The following NR2F1-AS1 variants were observed in gnomAD, a reference collection of about 807,000 sequenced individuals.
NR2F1-AS1 encodes NR2F1 regulatory antisense RNA 1, also known as NR2F1 antisense RNA 1.
intron 4 of NR2F1-AS1, among the ~76,000 whole-genome samples, chr5:93,550,167 T>C (rs2149911715): frequency 6.6e-6 from 1 of 151,968 alleles, no homozygotes; most frequent in East Asian, 1.9e-4. Flanking sequence ...ATAAATGGGA[T>C]TAAAGAAAAT....
chr5:93,577,798 T>C (rs1183776731), intron 1 of NR2F1-AS1, among the ~76,000 whole-genome samples: 1 of 152,196 alleles, frequency 6.6e-6, no homozygotes, highest in Non-Finnish European at 1.5e-5. Context: ...ATTGCAGGCA[T>C]GTTCATCTCT....
rs181403292 is a variant in NR2F1-AS1, at chr5:93,514,944, T to C, written n.638+38817A>G. Among the ~76,000 whole-genome samples, 146 of 152,098 alleles carry C rather than the reference T, an allele frequency of 9.6e-4. No individual in the cohort carries two copies. In the Middle Eastern group the frequency reaches 0.01, roughly 11 times the overall value. On this transcript the variant is annotated intron_variant and non_coding_transcript_variant, in intron 4 of 5. Coordinates refer to ENST00000660523, the Ensembl canonical transcript of NR2F1-AS1. The stretch of plus-strand genomic sequence containing the variant: ...AAGTGAAGTTAATGGGTTCCCTCTA[T>C]AAGGTTAAATTTCAACAAAAGTAAA...
intron 4 of NR2F1-AS1, among the ~76,000 whole-genome samples, chr5:93,412,078 A>G (rs1368261121): frequency 6.6e-6 from 1 of 152,236 alleles, no homozygotes; most frequent in Non-Finnish European, 1.5e-5. Flanking sequence ...TGAGGGCAGC[A>G]TGGAAGGATC....
intron 4 of NR2F1-AS1, among the ~76,000 whole-genome samples, chr5:93,513,255 A>C (rs893131071): frequency 6.6e-6 from 1 of 152,162 alleles, no homozygotes; most frequent in Non-Finnish European, 1.5e-5. Flanking sequence ...AGCAGTTTGG[A>C]GACTTCTCAA....
At chr5:93,419,567 C>T (rs1211494634) in intron 4 of NR2F1-AS1, among the ~76,000 whole-genome samples, 1 of 152,080 alleles carries the variant, frequency 6.6e-6, no homozygotes, top group Admixed American at 6.5e-5. Flanking sequence ...AAGACTCTAC[C>T]TTTAAAAGAA....
At chr5:93,501,227 T>A (rs1751071871) in intron 4 of NR2F1-AS1, among the ~76,000 whole-genome samples, 1 of 151,228 alleles carries the variant, frequency 6.6e-6, no homozygotes, top group Admixed American at 6.6e-5. Context: ...GTGACTGAAT[T>A]GCTGTAATCT....
upstream of NR2F1-AS1, chr5:93,585,494 TTTC>T (rs755173862): frequency 2.5e-6 from 4 of 1,603,174 alleles, no homozygotes; most frequent in Admixed American, 6.7e-5. Flanking sequence ...AAGGTGAATA[TTTC>T]TTCTCTGCTT....
At chr5:93,541,342 T>C (rs1161134669) in intron 4 of NR2F1-AS1, among the ~76,000 whole-genome samples, 3 of 152,154 alleles carry the variant, frequency 2.0e-5, no homozygotes, top group East Asian at 1.9e-4. Context: ...AATAAATGAG[T>C]TCTCACTATA....
rs190647413 is a variant in NR2F1-AS1 at position 93,578,086 on chromosome 5, T to C, written n.313+2381A>G. Among the ~76,000 whole-genome samples the C allele has an allele frequency of 2.5e-4, 38 of 152,116 alleles. No homozygotes were observed. The East Asian group carries it at 2.7e-3, about 11-fold the overall frequency. ...AAAAGCCCATAGAATTAGTGAAAAA[T>C]GGTTCAGCCTCGTGGTAAGAAAGAT... On this transcript the variant is annotated intron_variant and non_coding_transcript_variant, in intron 1 of 5. Coordinates refer to ENST00000660523, the Ensembl canonical transcript of NR2F1-AS1.
At chr5:93,426,393 C>T (rs1371738776) in intron 4 of NR2F1-AS1, among the ~76,000 whole-genome samples, 4 of 152,126 alleles carry the variant, frequency 2.6e-5, no homozygotes, top group Non-Finnish European at 5.9e-5. Flanking sequence ...ATGCTCCTTG[C>T]CAAAAGCATT....
At chr5:93,454,603 G>A (rs1224508995) in intron 4 of NR2F1-AS1, among the ~76,000 whole-genome samples, 2 of 152,110 alleles carry the variant, frequency 1.3e-5, no homozygotes, top group South Asian at 2.1e-4. Flanking sequence ...AACTCTTGGC[G>A]GGCTCCTGAA....
chr5:93,491,339 G>C (rs1451432746), intron 4 of NR2F1-AS1, among the ~76,000 whole-genome samples: 1 of 151,132 alleles, frequency 6.6e-6, no homozygotes, highest in East Asian at 2.0e-4. Context: ...TATTGATGAA[G>C]GTTGTGGTTA....
intron 4 of NR2F1-AS1, among the ~76,000 whole-genome samples, chr5:93,472,158 G>A (rs1401036273): frequency 6.6e-6 from 1 of 151,728 alleles, no homozygotes; most frequent in Non-Finnish European, 1.5e-5. Context: ...TTCATATGCA[G>A]AATCCTTAAT....
intron 4 of NR2F1-AS1, among the ~76,000 whole-genome samples, chr5:93,549,341 A>G (rs1169298700): frequency 6.6e-6 from 1 of 152,222 alleles, no homozygotes; most frequent in African/African-American, 2.4e-5. Flanking sequence ...AAATAGCAAG[A>G]AAACAATTTT....
intron 4 of NR2F1-AS1, among the ~76,000 whole-genome samples, chr5:93,494,046 G>A (rs899805614): frequency 1.3e-5 from 2 of 151,886 alleles, no homozygotes; most frequent in South Asian, 4.2e-4. Flanking sequence ...TTACAGAATG[G>A]GAAAAAAATT....
At chr5:93,468,599 C>G (rs1382357360) in intron 4 of NR2F1-AS1, among the ~76,000 whole-genome samples, 1 of 152,086 alleles carries the variant, frequency 6.6e-6, no homozygotes, top group East Asian at 1.9e-4. Context: ...TGTAGGTTGT[C>G]TGTTCACTCT....
At chr5:93,583,732 A>G (rs1352664188), upstream of NR2F1-AS1, 2 of 152,160 alleles carry the variant, frequency 1.3e-5, no homozygotes, top group Non-Finnish European at 2.9e-5. Context: ...GAAGCAGAAG[A>G]AGGAGCAAGA....
chr5:93,530,513 T>A (rs1751714405), intron 4 of NR2F1-AS1, among the ~76,000 whole-genome samples: 1 of 152,158 alleles, frequency 6.6e-6, no homozygotes, highest in African/African-American at 2.4e-5. Context: ...ATCAGCCTAG[T>A]CTTTGCCTCT....
chr5:93,540,926 C>T (rs1254784404), intron 4 of NR2F1-AS1, among the ~76,000 whole-genome samples: 5 of 152,204 alleles, frequency 3.3e-5, no homozygotes, highest in Non-Finnish European at 7.4e-5. Context: ...ACACATATTA[C>T]TGGTTTGATA....
Sources: allele counts gnomAD v4.1 joint callset (sites outside exome capture counted in the v4.1 genomes callset), GRCh38; gene constraint gnomAD v4.1.1; transcripts MANE v1.5; gene names NCBI Gene and HGNC (gene_info 2026-07-23, HGNC 2026-07-21).